CAPRIN2: variants seen among roughly 807,000 people sequenced by gnomAD.
CAPRIN2 encodes caprin-2.
In CAPRIN2, 66 loss-of-function variants were observed where a neutral mutation model predicts 130.4. The observed-to-expected ratio is 0.51, with a 90% confidence interval of 0.42 to 0.62. CAPRIN2 has a LOEUF of 0.62. Among genes scored for constraint, CAPRIN2 ranks in the 20% least tolerant of loss-of-function variants. The probability of loss-of-function intolerance (pLI) is 0.00; values close to 1 mark genes in which losing one functional copy is unlikely to be tolerated. For synonymous variants in CAPRIN2, 471 were observed against 444.1 expected (o/e 1.06, Z -0.76); for missense variants, 1,185 against 1,246.6 (o/e 0.95, Z 0.74).
At chr12:30,737,598 C>CTTTTTTTTT (rs11304850) in intron 3 of CAPRIN2, among the ~76,000 whole-genome samples, 1 of 131,244 alleles carries the variant, frequency 7.6e-6, no homozygotes, top group Non-Finnish European at 1.6e-5. Flanking sequence ...AACTGGTTTT[C>CTTTTTTTTT]TTTTTTTTTT....
In CAPRIN2 at chr12:30,710,283, T is replaced by C; in HGVS notation, c.2853A>G (p.Ser951=). The change falls in exon 17 of 17, where the codon TCA becomes TCG. Residue 951 remains serine (S), a synonymous_variant. Coordinates refer to ENST00000298892, the Ensembl canonical transcript of CAPRIN2. The surrounding 1 kb of genome is among the most constrained non-coding windows in gnomAD (Gnocchi z 4.8). ...GGGCCAGATTAGAGGTTCTGGCTGC[T>C]GAGAAGGCAACTCGCATCTGCTGAG... 1 of 1,614,228 alleles carries C rather than the reference T, an allele frequency of 6.2e-7. No homozygotes were observed. Among genetic ancestry groups the C allele is most frequent in the Non-Finnish European group, 8.5e-7 (1 of 1,180,038 alleles).
chr12:30,726,893 T>C (rs562206331), intron 8 of CAPRIN2, among the ~76,000 whole-genome samples: 2 of 152,274 alleles, frequency 1.3e-5, no homozygotes, highest in African/African-American at 2.4e-5. Flanking sequence ...TGACTGTACT[T>C]AGTCAATATT....
chr12:30,724,471 TA>T lies in CAPRIN2; in HGVS notation c.1906-21del, dbSNP rs773088574. The T allele has an allele frequency of 1.3e-5, 19 of 1,500,710 alleles. No homozygotes were observed. The highest frequency in any genetic ancestry group is 1.8e-5 in the Non-Finnish European group (19 of 1,076,750). The allele number at this position is 1,500,710 out of a possible 1,614,324, so 93.0% of individuals were successfully genotyped here. On this transcript the variant is annotated intron_variant, in intron 9 of 16. Coordinates refer to ENST00000298892, the Ensembl canonical transcript of CAPRIN2. ...AGACTCCTAAAGATATGATTTTAAA[TA>T]AAGAGTGGAAACAGAGATTACTCAT...
In CAPRIN2 at chr12:30,728,977, G is replaced by T. The variant is rs1565616049; in HGVS notation, c.1453C>A (p.Gln485Lys). ...GTCTCCTGTTTCTTTTGTTCCTCTT[G>T]AACATACCCTGCTTTGGATTTAGGT... The change falls in exon 8 of 17, where the codon CAA becomes AAA. Residue 485 changes from glutamine (Q) to lysine (K), a missense_variant. Physicochemically the swap from Gln to Lys is moderately conservative, Grantham distance 53. This residue lies in a region of CAPRIN2 where 1,104 missense variants were observed against 1,104.3 expected (regional missense o/e 1.00). Transcript: ENST00000298892. The T allele has an allele frequency of 7.4e-6, 12 of 1,614,128 alleles. No homozygotes were observed. The highest frequency in any genetic ancestry group is 1.3e-5 in the African/African-American group (1 of 75,030).
chr12:30,712,445 T>G (rs999553075), intron 15 of CAPRIN2, among the ~76,000 whole-genome samples: 6 of 152,192 alleles, frequency 3.9e-5, no homozygotes, highest in African/African-American at 1.2e-4. Flanking sequence ...AAGTCTGTAT[T>G]AATAAACATC....
chr12:30,723,379 A>C (rs1424916723), intron 10 of CAPRIN2, 65 bp from the exon 12 acceptor site: 1 of 1,108,816 alleles, frequency 9.0e-7, no homozygotes, highest in Non-Finnish European at 1.4e-6. Context: ...ATCAACTAGG[A>C]GGAAACTAAA....
At chr12:30,728,073 TCTA>T (rs1291758659) in intron 8 of CAPRIN2, among the ~76,000 whole-genome samples, 3 of 152,198 alleles carry the variant, frequency 2.0e-5, no homozygotes, top group Non-Finnish European at 2.9e-5. Flanking sequence ...ATCTAAACTA[TCTA>T]CTATTTTCAT....
At chr12:30,727,030 A>C (rs1248904563) in intron 8 of CAPRIN2, among the ~76,000 whole-genome samples, 1 of 152,184 alleles carries the variant, frequency 6.6e-6, no homozygotes, top group African/African-American at 2.4e-5. Context: ...AAAGCAAATT[A>C]AATATGTTTT....
At chr12:30,722,882 C>T (rs1176199204) in intron 11 of CAPRIN2, among the ~76,000 whole-genome samples, 2 of 152,042 alleles carry the variant, frequency 1.3e-5, no homozygotes, top group African/African-American at 4.8e-5. Context: ...CCAGCCTGGG[C>T]GACAGAGTGA....
At chr12:30,751,410 A>G in intron 1 of CAPRIN2, 1 of 338,076 alleles carries the variant, frequency 3.0e-6, no homozygotes, top group Non-Finnish European at 5.7e-6. Flanking sequence ...TACTTAACCC[A>G]TGGGGACTTA....
At chr12:30,715,271 C>T (rs1179324709) in intron 13 of CAPRIN2, 130 bp from the exon 16 acceptor site, 1 of 689,468 alleles carries the variant, frequency 1.5e-6, no homozygotes, top group Non-Finnish European at 2.5e-6. Context: ...TACATATATT[C>T]ATGTATATAA....
Position 30,730,236 on chromosome 12 carries a change from T to C in CAPRIN2, c.1104+3A>G, listed in dbSNP as rs1027712683. 6.2e-6 allele frequency: 10 copies of C among 1,609,042 alleles called. No individual in the cohort carries two copies. The Middle Eastern group carries it at 6.6e-4, about 106-fold the overall frequency. On this transcript the variant is annotated splice_donor_region_variant and intron_variant, in intron 7 of 16. Coordinates refer to ENST00000298892, the Ensembl canonical transcript of CAPRIN2. ...ATCAGCAAATTGTCTTTCAGTATCT[T>C]ACCTCTTGTGGTTGTATCTCTGGCT... is the stretch of plus-strand genomic sequence containing the variant.
At chr12:30,719,011 A>C (rs1174692299) in intron 12 of CAPRIN2, 68 bp downstream of exon 14, 1 of 1,524,912 alleles carries the variant, frequency 6.6e-7, no homozygotes, top group African/African-American at 1.4e-5. Flanking sequence ...TCCAATAATT[A>C]TGTAAGAGAA....
At chr12:30,727,911 T>A (rs1322466008) in intron 8 of CAPRIN2, among the ~76,000 whole-genome samples, 1 of 152,060 alleles carries the variant, frequency 6.6e-6, no homozygotes, top group Admixed American at 6.6e-5. Context: ...CATAAATGAG[T>A]AGAAGAGAAG....
chr12:30,734,992 C>A (rs1252403782), exon 4 of CAPRIN2: 1 of 1,612,920 alleles, frequency 6.2e-7, no homozygotes, highest in Non-Finnish European at 8.5e-7. Flanking sequence ...TCTTTCAGGG[C>A]AGGTCAGTTT....
At chr12:30,736,140 CAA>C (rs751202399) in intron 3 of CAPRIN2, among the ~76,000 whole-genome samples, 56 of 109,178 alleles carry the variant, frequency 5.1e-4, no homozygotes, top group Non-Finnish European at 4.2e-4. Flanking sequence ...GATCCTGTCC[CAA>C]AAAAAAAAAA....
chr12:30,744,412 AC>A (rs1252969172), intron 2 of CAPRIN2, among the ~76,000 whole-genome samples: 1 of 151,792 alleles, frequency 6.6e-6, no homozygotes, highest in Non-Finnish European at 1.5e-5. Context: ...ACAAAGACCT[AC>A]CCCCTCCAGC....
chr12:30,724,373 C>T (rs149926848), exon 10 of CAPRIN2: 38 of 1,602,212 alleles, frequency 2.4e-5, no homozygotes, highest in Non-Finnish European at 3.0e-5. Context: ...TACATACCTA[C>T]GGGGCTACCT....
intron 14 of CAPRIN2, 62 bp downstream of exon 16, chr12:30,714,897 G>A: frequency 7.4e-7 from 1 of 1,360,330 alleles, no homozygotes. Context: ...TAAAAATGGT[G>A]TGAGTCAAGT....
Sources: allele counts gnomAD v4.1 joint callset (sites outside exome capture counted in the v4.1 genomes callset), GRCh38; gene constraint gnomAD v4.1.1; regional missense constraint gnomAD v4.1.1; non-coding constraint Gnocchi (gnomAD v3.1); transcripts MANE v1.5; gene names NCBI Gene and HGNC (gene_info 2026-07-23, HGNC 2026-07-21).